Variants in FSD1L observed in about 807,000 individuals in gnomAD.
The protein encoded by FSD1L is FSD1-like protein.
In FSD1L, 45 loss-of-function variants were observed where a neutral mutation model predicts 71.6. The ratio of observed to expected loss-of-function variants is 0.63; its 90% CI spans 0.49 to 0.81. FSD1L has a LOEUF of 0.81. FSD1L is among the 30% of genes least tolerant of loss of function. The probability of loss-of-function intolerance (pLI) is 0.00; values close to 1 mark genes in which losing one functional copy is unlikely to be tolerated. For missense variants in FSD1L, 561 were observed against 618.1 expected, an observed-to-expected ratio of 0.91 and a Z score of 0.98; for synonymous variants, 197 against 207.2, an observed-to-expected ratio of 0.95 and a Z score of 0.42.
intron 10 of FSD1L, among the ~76,000 whole-genome samples, chr9:105,528,020 A>C (rs1437380131): frequency 6.6e-6 from 1 of 152,244 alleles, no homozygotes; most frequent in Admixed American, 6.5e-5. Context: ...CAGAGAGCCA[A>C]ATCATGAGTG....
rs945768364 is a variant in FSD1L, at chr9:105,464,110, A to G, written c.112-126A>G. The G allele has an allele frequency of 1.7e-5, 10 of 601,448 alleles. No individual in the cohort carries two copies. In the African/African-American group the frequency reaches 1.9e-4, roughly 12 times the overall value. 37.3% of individuals were successfully genotyped at this position (601,448 alleles called of 1,614,324 possible). ...CTTTGGAAGTTTTGAAGAATGAGAAATTTTACATTGCTCCTATTTGTTATA... is the reference window on the plus strand; with the variant it reads ...CTTTGGAAGTTTTGAAGAATGAGAAGTTTTACATTGCTCCTATTTGTTATA... On this transcript the variant is annotated intron_variant, in intron 2 of 13. Coordinates refer to ENST00000481272, the MANE Select transcript of FSD1L (RefSeq NM_001145313.3).
At chr9:105,525,601 C>T in intron 10 of FSD1L, 3 of 1,612,910 alleles carry the variant, frequency 1.9e-6, no homozygotes, top group East Asian at 2.2e-5. Context: ...GAGCTTTCAT[C>T]TCCTGAAGAA....
chr9:105,514,280 A>C (rs1239870776), intron 10 of FSD1L, among the ~76,000 whole-genome samples: 5 of 152,212 alleles, frequency 3.3e-5, no homozygotes, highest in Non-Finnish European at 1.5e-5. Flanking sequence ...GAAAATGCTG[A>C]ATTTAATAGT....
intron 7 of FSD1L, among the ~76,000 whole-genome samples, chr9:105,498,007 C>A (rs965198013): frequency 1.3e-4 from 20 of 151,920 alleles, no homozygotes; most frequent in Middle Eastern, 3.2e-3. Context: ...CCATGCCCAG[C>A]TAATTTAAAT....
intron 10 of FSD1L, chr9:105,521,984 G>T (rs1835196234): frequency 1.9e-6 from 3 of 1,613,174 alleles, no homozygotes; most frequent in Non-Finnish European, 2.5e-6. Flanking sequence ...TGGACAAAAA[G>T]ACTTGGGAAC....
chr9:105,443,813 C>G (rs1829584496), upstream of FSD1L, among the ~76,000 whole-genome samples: 1 of 152,074 alleles, frequency 6.6e-6, no homozygotes, highest in South Asian at 2.1e-4. Context: ...GAAGAGATAG[C>G]TAATATTTTT....
rs1395998375 is a variant in FSD1L, at chr9:105,455,147, T to G, written c.16-6373T>G. Among the ~76,000 whole-genome samples, 5 of 152,340 alleles carry G rather than the reference T, an allele frequency of 3.3e-5. No individual in the cohort carries two copies. In the East Asian group the frequency reaches 7.7e-4, roughly 24 times the overall value. ...AACAGCAGTAGTTTAAGCATACTAT[T>G]AGAATGATCCTGTATGGCAGACTCA... On this transcript the variant is annotated intron_variant, in intron 1 of 13. Coordinates refer to ENST00000481272, the MANE Select transcript of FSD1L (RefSeq NM_001145313.3).
upstream of FSD1L, chr9:105,447,882 A>C: frequency 4.7e-6 from 2 of 421,506 alleles, no homozygotes; most frequent in African/African-American, 2.1e-5. Flanking sequence ...CGCTGGAGGA[A>C]AAAGGATGGG....
intron 10 of FSD1L, chr9:105,521,480 C>G: frequency 1.2e-6 from 2 of 1,613,796 alleles, no homozygotes; most frequent in East Asian, 2.2e-5. Context: ...GTAATGTAAA[C>G]TTTGTGACAG....
At chr9:105,453,624 A>G (rs1356245084) in intron 1 of FSD1L, among the ~76,000 whole-genome samples, 2 of 152,190 alleles carry the variant, frequency 1.3e-5, no homozygotes, top group Admixed American at 1.3e-4. Context: ...AATGAATACC[A>G]TATTGACATA....
At chr9:105,476,034 A>G (rs140265353) in intron 5 of FSD1L, among the ~76,000 whole-genome samples, 223 of 152,336 alleles carry the variant, frequency 1.5e-3, no homozygotes, top group African/African-American at 5.1e-3. Context: ...ACAATAAGAT[A>G]CTTTATCTTC....
upstream of FSD1L, among the ~76,000 whole-genome samples, chr9:105,447,102 C>T (rs1179234402): frequency 6.6e-6 from 1 of 152,024 alleles, no homozygotes; most frequent in Admixed American, 6.5e-5. Context: ...GGTGGGCGGA[C>T]TGCCTGAGCT....
chr9:105,546,530 T>C lies in FSD1L; in HGVS notation c.*47T>C, dbSNP rs543180435. On this transcript the variant is annotated 3_prime_UTR_variant, in exon 14 of 14. Transcript: ENST00000481272. ...CCCTCCGTCTTGATTAGGTGGCCTT[T>C]TCTGTGCAGTTACTAATCACAGGAA... 3 of 1,473,080 alleles carry C rather than the reference T, an allele frequency of 2.0e-6. No homozygotes were observed. Among genetic ancestry groups the C allele is most frequent in the Admixed American group, 2.6e-5 (1 of 37,970 alleles). 91.3% of individuals were successfully genotyped at this position (1,473,080 alleles called of 1,614,324 possible). A position where few individuals can be genotyped will look rare whatever the true frequency, so the allele number is the denominator to read the frequency against.
intron 1 of FSD1L, among the ~76,000 whole-genome samples, chr9:105,452,510 C>T (rs1298256675): frequency 1.3e-5 from 2 of 152,108 alleles, no homozygotes; most frequent in Non-Finnish European, 2.9e-5. Flanking sequence ...CGCTTCTTGC[C>T]TGAATTCTTT....
At chr9:105,479,264 A>G in intron 5 of FSD1L, 90 bp from the exon 6 acceptor site, 1 of 1,150,944 alleles carries the variant, frequency 8.7e-7, no homozygotes, top group Non-Finnish European at 1.3e-6. Context: ...CAGGGTTTAT[A>G]TCCTAACTTT....
intron 7 of FSD1L, among the ~76,000 whole-genome samples, chr9:105,506,045 A>G (rs1834031862): frequency 6.6e-6 from 1 of 152,242 alleles, no homozygotes; most frequent in Non-Finnish European, 1.5e-5. Context: ...TTTAAAATAC[A>G]TTCAAGAGGG....
chr9:105,451,117 G>A (rs1829969625), intron 1 of FSD1L, among the ~76,000 whole-genome samples: 1 of 151,700 alleles, frequency 6.6e-6, no homozygotes, highest in Non-Finnish European at 1.5e-5. Context: ...CCGCCACCAC[G>A]CCTGGCTAAT....
chr9:105,507,661 T>TA (rs1303245449), intron 8 of FSD1L, among the ~76,000 whole-genome samples: 1 of 152,164 alleles, frequency 6.6e-6, no homozygotes, highest in East Asian at 1.9e-4. Flanking sequence ...CATTTTCACA[T>TA]AAAAAACGTT....
At position 105,496,202 on chromosome 9, in the gene FSD1L, C is replaced by CTTT. The variant is rs542818608; in HGVS notation, c.587-10180_587-10178dup. Reference sequence around the variant, plus strand: ...CAGTACCAGGTCTTGATGACTGTAGCTTTTTTTTTTTTTTTTTTTGTGTCG... The same window carrying CTTT: ...CAGTACCAGGTCTTGATGACTGTAGCTTTTTTTTTTTTTTTTTTTTTTGTGTCG... On this transcript the variant is annotated intron_variant, in intron 7 of 13. Transcript: ENST00000481272. 5.5e-4 allele frequency among the ~76,000 whole-genome samples: 62 copies of CTTT among 113,242 alleles called. 1 individual carries two copies. The highest frequency in any genetic ancestry group is 8.4e-4 in the Admixed American group (8 of 9,532). 74.3% of individuals were successfully genotyped at this position (113,242 alleles called of 152,430 possible). A position where few individuals can be genotyped will look rare whatever the true frequency, so the allele number is the denominator to read the frequency against.
Sources: gnomAD v4.1 joint callset for allele counts (sites outside exome capture counted in the v4.1 genomes callset) on GRCh38, gnomAD v4.1.1 for gene constraint, MANE v1.5 for transcripts, NCBI Gene and HGNC (gene_info 2026-07-23, HGNC 2026-07-21) for gene names.